Variants in SLC9B1 observed in about 807,000 individuals in gnomAD.
The protein encoded by SLC9B1 is sodium/hydrogen exchanger 9B1.
A neutral mutation model predicts 51.7 loss-of-function variants in SLC9B1; 32 were observed. That is an observed-to-expected ratio of 0.62 (90% CI 0.47 to 0.83). The LOEUF (loss-of-function observed/expected upper bound fraction) is 0.83. Ranked by LOEUF, SLC9B1 falls within the 40% of genes least tolerant of loss-of-function variation. The pLI, the probability that SLC9B1 is intolerant of heterozygous loss-of-function variation, is 0.00. For missense variants in SLC9B1, 406 were observed against 613.2 expected (o/e 0.66, Z 3.57); for synonymous variants, 145 against 212.7 (o/e 0.68, Z 2.77).
At chr4:102,980,079 T>G (rs1018664634) in intron 3 of SLC9B1, among the ~76,000 whole-genome samples, 1 of 152,102 alleles carries the variant, frequency 6.6e-6, no homozygotes, top group Non-Finnish European at 1.5e-5. Context: ...TGGTGATTAT[T>G]AAAAAGTCAA....
chr4:102,977,642 A>T (rs1739144579), intron 3 of SLC9B1, among the ~76,000 whole-genome samples: 2 of 152,070 alleles, frequency 1.3e-5, no homozygotes, highest in Non-Finnish European at 2.9e-5. Flanking sequence ...CACTAGTACA[A>T]TTTTTTTCTA....
intron 3 of SLC9B1, among the ~76,000 whole-genome samples, chr4:102,980,898 T>G (rs940299287): frequency 3.9e-5 from 6 of 152,202 alleles, no homozygotes; most frequent in African/African-American, 1.4e-4. Context: ...TGGGTTTGTA[T>G]GTTCTATGGC....
At chr4:103,001,809 C>T (rs1740537180) in intron 1 of SLC9B1, among the ~76,000 whole-genome samples, 2 of 152,200 alleles carry the variant, frequency 1.3e-5, no homozygotes, top group Admixed American at 1.3e-4. Context: ...CTTCACAGTA[C>T]CAATTTTCTG....
intron 7 of SLC9B1, among the ~76,000 whole-genome samples, chr4:102,913,904 T>G (rs1735465441): frequency 6.6e-6 from 1 of 151,842 alleles, no homozygotes; most frequent in African/African-American, 2.4e-5. Flanking sequence ...ACTGTGTAAC[T>G]GCCCAATGGG....
At chr4:102,918,478 A>G (rs1216679304) in intron 7 of SLC9B1, among the ~76,000 whole-genome samples, 1 of 152,236 alleles carries the variant, frequency 6.6e-6, no homozygotes, top group East Asian at 1.9e-4. Flanking sequence ...ACTCAATAAC[A>G]AAACAACATA....
At chr4:102,947,199 C>A (rs924899066) in intron 4 of SLC9B1, among the ~76,000 whole-genome samples, 2 of 152,160 alleles carry the variant, frequency 1.3e-5, no homozygotes, top group Non-Finnish European at 2.9e-5. Flanking sequence ...AAATTGAAGG[C>A]TCTGCCACAG....
At chr4:102,950,052 A>G (rs939504287) in intron 3 of SLC9B1, among the ~76,000 whole-genome samples, 2 of 152,200 alleles carry the variant, frequency 1.3e-5, no homozygotes, top group African/African-American at 4.8e-5. Flanking sequence ...CATCATGGCA[A>G]TATGATGAGA....
At chr4:102,972,594 A>C (rs964427053) in intron 3 of SLC9B1, among the ~76,000 whole-genome samples, 1 of 152,194 alleles carries the variant, frequency 6.6e-6, no homozygotes. Context: ...AAAGCAGATC[A>C]TTTGTTACTT....
At chr4:102,970,526 C>G (rs1397217027) in intron 3 of SLC9B1, among the ~76,000 whole-genome samples, 1 of 152,148 alleles carries the variant, frequency 6.6e-6, no homozygotes, top group African/African-American at 2.4e-5. Flanking sequence ...ACCAGCCACA[C>G]AAAAACATGC....
chr4:102,935,681 G>T (rs1228450786), intron 6 of SLC9B1, among the ~76,000 whole-genome samples: 1 of 150,706 alleles, frequency 6.6e-6, no homozygotes, highest in Non-Finnish European at 1.5e-5. Flanking sequence ...ATTTTCTTGG[G>T]TATGATTAAG....
At chr4:102,936,710 CAAGA>C in intron 6 of SLC9B1, among the ~76,000 whole-genome samples, 1 of 152,080 alleles carries the variant, frequency 6.6e-6, no homozygotes, top group South Asian at 2.1e-4. Flanking sequence ...AAATAAAGAA[CAAGA>C]AAGAATGAAC....
intron 3 of SLC9B1, among the ~76,000 whole-genome samples, chr4:102,980,429 C>T (rs776637089): frequency 4.6e-5 from 7 of 152,150 alleles, no homozygotes; most frequent in African/African-American, 1.4e-4. Flanking sequence ...GGAATGAGAT[C>T]GTGTCCTTTG....
intron 7 of SLC9B1, among the ~76,000 whole-genome samples, chr4:102,914,552 C>A (rs1371196800): frequency 6.6e-6 from 1 of 152,092 alleles, no homozygotes; most frequent in Non-Finnish European, 1.5e-5. Context: ...ATGCTAGAAG[C>A]AAGATGGAGT....
intron 7 of SLC9B1, among the ~76,000 whole-genome samples, chr4:102,924,465 C>T (rs1208203813): frequency 6.6e-6 from 1 of 152,186 alleles, no homozygotes; most frequent in Non-Finnish European, 1.5e-5. Context: ...TAGAAGAATA[C>T]CTAGGCAATA....
intron 7 of SLC9B1, among the ~76,000 whole-genome samples, chr4:102,918,558 C>A (rs750622405): frequency 6.6e-6 from 1 of 152,102 alleles, no homozygotes; most frequent in Non-Finnish European, 1.5e-5. Context: ...TATGCTGGAG[C>A]CTAATATTCA....
chr4:102,943,340 G>A (rs951938541), intron 6 of SLC9B1, among the ~76,000 whole-genome samples: 1 of 152,020 alleles, frequency 6.6e-6, no homozygotes, highest in African/African-American at 2.4e-5. Flanking sequence ...TCTACCCAGA[G>A]GAAAAGAAGT....
chr4:102,966,514 C>T lies in SLC9B1; in HGVS notation c.212-17087G>A, dbSNP rs551936111. On this transcript the variant is annotated intron_variant, in intron 3 of 11. Coordinates refer to ENST00000296422, the MANE Select transcript of SLC9B1 (RefSeq NM_139173.4). ...GGTTTGTATCTTGTGGAATGGCAGC[C>T]TGAGCCATACCTGGGTATGATTGTG... is the stretch of plus-strand genomic sequence containing the variant. Among the ~76,000 whole-genome samples the T allele has an allele frequency of 6.3e-4, 96 of 152,338 alleles. 1 individual carries two copies. Among genetic ancestry groups the T allele is most frequent in the African/African-American group, 2.2e-3 (93 of 41,572 alleles).
chr4:102,964,136 C>G (rs773691539), intron 3 of SLC9B1, among the ~76,000 whole-genome samples: 8 of 151,924 alleles, frequency 5.3e-5, no homozygotes, highest in Non-Finnish European at 8.8e-5. Flanking sequence ...ACAGACCCTA[C>G]CCTTAAAAGG....
At chr4:102,989,457 TA>T (rs1739830938) in intron 3 of SLC9B1, among the ~76,000 whole-genome samples, 1 of 152,000 alleles carries the variant, frequency 6.6e-6, no homozygotes, top group Admixed American at 6.6e-5. Flanking sequence ...GAAACATAAT[TA>T]TTTCCAAAAT....
Sources: allele counts gnomAD v4.1 joint callset (sites outside exome capture counted in the v4.1 genomes callset), GRCh38; gene constraint gnomAD v4.1.1; transcripts MANE v1.5; gene names NCBI Gene and HGNC (gene_info 2026-07-23, HGNC 2026-07-21).